IL18RAP: variants seen among roughly 807,000 people sequenced by gnomAD.
IL18RAP encodes interleukin 18 receptor accessory protein, also known as interleukin-18 receptor accessory protein.
Under a neutral mutation model 58.1 loss-of-function variants are expected in IL18RAP, and 37 were observed. The observed-to-expected ratio is 0.64, with a 90% CI of 0.49 to 0.84. The LOEUF is 0.84. Ranked by LOEUF, IL18RAP falls within the 40% of genes least tolerant of loss-of-function variation. IL18RAP has a pLI of 0.00. For missense variants in IL18RAP, 667 were observed against 704.8 expected, an observed-to-expected ratio of 0.95 and a Z score of 0.61; for synonymous variants, 268 against 257.5, an observed-to-expected ratio of 1.04 and a Z score of -0.39.
In IL18RAP at chr2:102,424,925, A is replaced by G. The variant is rs562218290; in HGVS notation, c.579+511A>G. Among the ~76,000 whole-genome samples, 9 of 152,336 alleles carry G rather than the reference A, an allele frequency of 5.9e-5. No individual in the cohort carries two copies. The South Asian group carries it at 1.2e-3, about 21-fold the overall frequency. ...CAGGTGAGATGGTGGAAAGGAGTAC[A>G]GTGCAAATAGAAAAAGGGAACAAGA... On this transcript the variant is annotated intron_variant, in intron 3 of 9. Coordinates refer to ENST00000687160, the MANE Select transcript of IL18RAP (RefSeq NM_001393487.1).
At chr2:102,437,737 A>C (rs181152417) in intron 4 of IL18RAP, among the ~76,000 whole-genome samples, 237 of 152,314 alleles carry the variant, frequency 1.6e-3, no homozygotes, top group Middle Eastern at 0.01. Flanking sequence ...TTAAAGTAAC[A>C]AAATATTGCA....
At chr2:102,442,669 T>A (rs1355129539) in intron 5 of IL18RAP, among the ~76,000 whole-genome samples, 1 of 152,168 alleles carries the variant, frequency 6.6e-6, no homozygotes, top group Non-Finnish European at 1.5e-5. Context: ...AAAAAATGGG[T>A]AGAAAAAAGT....
chr2:102,450,136 G>C (rs945523470), intron 8 of IL18RAP, among the ~76,000 whole-genome samples: 1 of 4,166 alleles, frequency 2.4e-4, no homozygotes, highest in South Asian at 6.3e-3. Context: ...TGAGTTAAGT[G>C]TTGGGATTTT....
chr2:102,420,396 T>A (rs891946953), upstream of IL18RAP, among the ~76,000 whole-genome samples: 1 of 152,006 alleles, frequency 6.6e-6, no homozygotes, highest in Non-Finnish European at 1.5e-5. Context: ...GGGTTTCGGG[T>A]GATTCTTATA....
intron 3 of IL18RAP, among the ~76,000 whole-genome samples, chr2:102,425,722 G>A (rs946783140): frequency 5.3e-5 from 8 of 151,906 alleles, no homozygotes; most frequent in African/African-American, 9.7e-5. Flanking sequence ...TCTTGTCCCC[G>A]TTATTTCAGA....
rs542540496 is a variant in IL18RAP at position 102,451,893 on chromosome 2, T to C, written c.1512T>C (p.Asp504=). 2 of 1,614,210 alleles carry C rather than the reference T, an allele frequency of 1.2e-6. No homozygotes were observed. Among genetic ancestry groups the C allele is most frequent in the East Asian group, 4.5e-5 (2 of 44,892 alleles). Residue 504 remains aspartate, a synonymous_variant, in exon 10 of 10, where the codon GAT becomes GAC. Transcript: ENST00000687160. ...LQAAVNLALD[D]QTLKLILIKF... ...CAGCAGTGAATCTTGCCTTGGATGA[T>C]CAAACACTGAAACTCATTTTAATTA...
intron 8 of IL18RAP, among the ~76,000 whole-genome samples, chr2:102,450,530 G>A (rs994767243): frequency 6.6e-6 from 1 of 152,140 alleles, no homozygotes; most frequent in Non-Finnish European, 1.5e-5. Context: ...TGACTAATGA[G>A]ACAGAAACAC....
At chr2:102,436,561 G>T (rs924330589) in intron 3 of IL18RAP, among the ~76,000 whole-genome samples, 3 of 151,894 alleles carry the variant, frequency 2.0e-5, no homozygotes, top group Non-Finnish European at 4.4e-5. Context: ...GGGAATCCCA[G>T]CTTCTACTAG....
intron 4 of IL18RAP, chr2:102,439,547 T>C (rs1340606879): frequency 6.6e-6 from 1 of 152,292 alleles, no homozygotes; most frequent in African/African-American, 2.4e-5. Context: ...GGTTAAACCA[T>C]GCCTCTGCTT....
rs542633615 is a variant in IL18RAP, at chr2:102,442,287, C to A, written c.796+910C>A. Among the ~76,000 whole-genome samples, 11 of 151,648 alleles carry A rather than the reference C, an allele frequency of 7.3e-5. No homozygotes were observed. The South Asian group carries it at 2.3e-3, about 31-fold the overall frequency. ...GTATTAAAAATAAAATGCTGTTTTTCTTTTAATAATATAAATTTTTTTATT... is the reference window on the plus strand; with the variant it reads ...GTATTAAAAATAAAATGCTGTTTTTATTTTAATAATATAAATTTTTTTATT... On this transcript the variant is annotated intron_variant, in intron 5 of 9. Transcript: ENST00000687160.
At chr2:102,420,155 T>C (rs1209219472), upstream of IL18RAP, among the ~76,000 whole-genome samples, 1 of 152,200 alleles carries the variant, frequency 6.6e-6, no homozygotes, top group Non-Finnish European at 1.5e-5. Flanking sequence ...CAGAATGGTC[T>C]TGGGCTCATG....
intron 9 of IL18RAP, among the ~76,000 whole-genome samples, 185 bp from the exon 10 acceptor site, chr2:102,451,581 G>A (rs1050093030): frequency 6.6e-6 from 1 of 152,198 alleles, no homozygotes; most frequent in Non-Finnish European, 1.5e-5. Context: ...ACAAAGCAGG[G>A]AATGTAAAGG....
chr2:102,439,552 CT>C (rs960991955), intron 4 of IL18RAP: 89 of 152,380 alleles, frequency 5.8e-4, no homozygotes, highest in African/African-American at 2.0e-3. Context: ...AACCATGCCT[CT>C]GCTTGTGCTG....
chr2:102,420,314 T>C (rs1419799339), upstream of IL18RAP, among the ~76,000 whole-genome samples: 1 of 152,192 alleles, frequency 6.6e-6, no homozygotes, highest in Admixed American at 6.5e-5. Flanking sequence ...TAATGTAGGT[T>C]CCATTGTTCT....
At chr2:102,447,484 T>C (rs1683497499) in intron 8 of IL18RAP, among the ~76,000 whole-genome samples, 1 of 152,172 alleles carries the variant, frequency 6.6e-6, no homozygotes, top group African/African-American at 2.4e-5. Context: ...AATTATTTTT[T>C]TCATTCCAGT....
chr2:102,450,804 A>C (rs1407425173), intron 8 of IL18RAP, 44 bp from the exon 9 acceptor site: 6 of 1,337,164 alleles, frequency 4.5e-6, no homozygotes, highest in Non-Finnish European at 6.2e-6. Context: ...CAGTAAAAAA[A>C]AGAGTAAATG....
At chr2:102,425,549 T>C (rs1681886755) in intron 3 of IL18RAP, among the ~76,000 whole-genome samples, 2 of 152,222 alleles carry the variant, frequency 1.3e-5, no homozygotes, top group African/African-American at 4.8e-5. Context: ...GAAACATTCA[T>C]TTCATAACCT....
At chr2:102,437,597 G>A (rs1475917398) in intron 4 of IL18RAP, among the ~76,000 whole-genome samples, 1 of 152,104 alleles carries the variant, frequency 6.6e-6, no homozygotes, top group African/African-American at 2.4e-5. Flanking sequence ...TCCCTGATTT[G>A]CTTTTGTAAT....
At chr2:102,442,215 A>G in intron 5 of IL18RAP, among the ~76,000 whole-genome samples, 1 of 152,124 alleles carries the variant, frequency 6.6e-6, no homozygotes, top group Non-Finnish European at 1.5e-5. Flanking sequence ...TATTTTGTCA[A>G]CTTCAATAAT....
Sources: allele counts gnomAD v4.1 joint callset (sites outside exome capture counted in the v4.1 genomes callset), GRCh38; gene constraint gnomAD v4.1.1; transcripts MANE v1.5; gene names NCBI Gene and HGNC (gene_info 2026-07-23, HGNC 2026-07-21).